Variants in CSMD3 observed in about 807,000 individuals in gnomAD.
CSMD3 encodes the protein CUB and Sushi multiple domains 3, also known as CUB and sushi domain-containing protein 3.
In CSMD3, 177 loss-of-function variants were observed where a neutral mutation model predicts 435.2. The observed-to-expected ratio is 0.41, with a 90% CI of 0.36 to 0.46. The LOEUF is 0.46. CSMD3 is among the 20% of genes least tolerant of loss of function. The probability of loss-of-function intolerance (pLI) is 0.34; values close to 1 mark genes in which losing one functional copy is unlikely to be tolerated. For missense variants in CSMD3, 4,265 were observed against 4,504.6 expected (o/e 0.95, Z 1.52); for synonymous variants, 1,656 against 1,520.5 (o/e 1.09, Z -2.07).
At chr8:112,978,256 C>T (rs79285143) in intron 6 of CSMD3, among the ~76,000 whole-genome samples, 1,574 of 152,040 alleles carry the variant, frequency 0.01, 21 homozygotes, top group African/African-American at 0.036. Flanking sequence ...CATGTCTGAG[C>T]ACGCCTACCT....
intron 3 of CSMD3, among the ~76,000 whole-genome samples, chr8:113,266,074 G>T (rs1027372401): frequency 2.7e-5 from 4 of 150,126 alleles, no homozygotes; most frequent in African/African-American, 4.9e-5. Flanking sequence ...CAACTGTTTT[G>T]CCAGAAGCAT....
chr8:112,680,668 A>C (rs1047923183), intron 16 of CSMD3, among the ~76,000 whole-genome samples: 2 of 152,156 alleles, frequency 1.3e-5, no homozygotes, highest in East Asian at 3.9e-4. Context: ...ACCTGATATT[A>C]CTAATGAGAA....
At chr8:112,585,676 T>A (rs1313179819) in intron 23 of CSMD3, among the ~76,000 whole-genome samples, 1 of 151,702 alleles carries the variant, frequency 6.6e-6, no homozygotes, top group East Asian at 1.9e-4. Flanking sequence ...AGAACAATAA[T>A]AGGCATGAGT....
chr8:113,028,062 T>C lies in CSMD3; in HGVS notation c.918-8883A>G, dbSNP rs531923190. On this transcript the variant is annotated intron_variant, in intron 5 of 70. Transcript: ENST00000297405. ...TTGCTGTTGTTTTACAAACTGAAGG[T>C]TTGTGACAATGCTGCATTGGGCAAG... 2.0e-5 allele frequency among the ~76,000 whole-genome samples: 3 copies of C among 152,252 alleles called. No homozygotes were observed. The South Asian group carries it at 6.2e-4, about 31-fold the overall frequency.
chr8:113,412,848 T>G (rs2094565465), intron 1 of CSMD3, among the ~76,000 whole-genome samples: 1 of 152,036 alleles, frequency 6.6e-6, no homozygotes, highest in South Asian at 2.1e-4. Flanking sequence ...ATTAAATATC[T>G]TATAAAGCCA....
chr8:113,012,099 C>T (rs1390660780), intron 6 of CSMD3, among the ~76,000 whole-genome samples: 1 of 151,752 alleles, frequency 6.6e-6, no homozygotes, highest in African/African-American at 2.4e-5. Context: ...AGATTATTCT[C>T]AAATACTACA....
At chr8:112,704,908 T>A (rs1393035397) in intron 13 of CSMD3, among the ~76,000 whole-genome samples, 1 of 152,096 alleles carries the variant, frequency 6.6e-6, no homozygotes, top group Non-Finnish European at 1.5e-5. Context: ...ATAAATTTAT[T>A]TCATGTCCAA....
chr8:113,035,680 G>A lies in CSMD3; in HGVS notation c.918-16501C>T, dbSNP rs182764134. ...TCTAAGAAAAAAATAATTTTAAGAT[G>A]TTTTTGGCTTGCCAGTCAATAACAT... is the stretch of plus-strand genomic sequence containing the variant. On this transcript the variant is annotated intron_variant, in intron 5 of 70. Coordinates refer to ENST00000297405, the MANE Select transcript of CSMD3 (RefSeq NM_198123.2). 2.6e-5 allele frequency among the ~76,000 whole-genome samples: 4 copies of A among 151,932 alleles called. No homozygotes were observed. The East Asian group carries it at 7.7e-4, about 29-fold the overall frequency.
chr8:113,119,682 C>A (rs974584704), intron 4 of CSMD3, among the ~76,000 whole-genome samples: 5 of 152,040 alleles, frequency 3.3e-5, no homozygotes, highest in Admixed American at 2.0e-4. Flanking sequence ...AAATTTCTAT[C>A]TAAATTTATC....
In CSMD3 at chr8:113,072,799, A is replaced by C. The variant is rs147130290; in HGVS notation, c.917+25957T>G. ...GATGAGCAAATTTCAAAGGCTTTTC[A>C]GTAAATCAAATTTAAATCATTCTGT... is the stretch of plus-strand genomic sequence containing the variant. On this transcript the variant is annotated intron_variant, in intron 5 of 70. Transcript: ENST00000297405. Among the ~76,000 whole-genome samples the C allele has an allele frequency of 6.2e-3, 898 of 144,080 alleles. 4 individuals carry two copies. The highest frequency in any genetic ancestry group is 0.021 in the African/African-American group (798 of 37,922). The allele number at this position is 144,080 out of a possible 152,430, so 94.5% of individuals were successfully genotyped here.
intron 1 of CSMD3, among the ~76,000 whole-genome samples, chr8:113,431,150 C>T (rs1476276112): frequency 6.6e-6 from 1 of 152,188 alleles, no homozygotes; most frequent in African/African-American, 2.4e-5. Flanking sequence ...GTGAATCACC[C>T]ACCTGCTCAC....
chr8:113,423,445 G>A (rs1391465383), intron 1 of CSMD3, among the ~76,000 whole-genome samples: 1 of 151,958 alleles, frequency 6.6e-6, no homozygotes. Context: ...TTATGATATT[G>A]CTGTTATATG....
At chr8:112,611,986 T>C (rs980264630) in intron 22 of CSMD3, among the ~76,000 whole-genome samples, 1 of 152,128 alleles carries the variant, frequency 6.6e-6, no homozygotes, top group Non-Finnish European at 1.5e-5. Context: ...ATAGATTAAA[T>C]GATAAATTGC....
intron 1 of CSMD3, among the ~76,000 whole-genome samples, chr8:113,397,286 G>T (rs2094488066): frequency 6.6e-6 from 1 of 151,896 alleles, no homozygotes; most frequent in Admixed American, 6.6e-5. Context: ...CTTTTCATGT[G>T]TTATGTAAAC....
intron 5 of CSMD3, among the ~76,000 whole-genome samples, chr8:113,035,164 T>A (rs1462894089): frequency 1.3e-5 from 2 of 151,884 alleles, no homozygotes; most frequent in Non-Finnish European, 2.9e-5. Context: ...GAGAAAAAAA[T>A]TCTAAATCCT....
chr8:112,467,045 C>G (rs1315121709), intron 32 of CSMD3, among the ~76,000 whole-genome samples: 1 of 152,156 alleles, frequency 6.6e-6, no homozygotes, highest in Non-Finnish European at 1.5e-5. Flanking sequence ...AAGTTCAAGG[C>G]AGTGGCAGCT....
intron 15 of CSMD3, among the ~76,000 whole-genome samples, chr8:112,684,330 C>T (rs2075966928): frequency 1.3e-5 from 2 of 152,026 alleles, no homozygotes; most frequent in Admixed American, 1.3e-4. Context: ...TTTACAGCGA[C>T]ACTATTCACC....
intron 6 of CSMD3, among the ~76,000 whole-genome samples, chr8:112,995,014 G>A (rs1021345344): frequency 6.6e-5 from 10 of 151,388 alleles, no homozygotes; most frequent in African/African-American, 1.9e-4. Flanking sequence ...ACTTTACAGA[G>A]TGTACTCATT....
At chr8:113,175,524 T>C (rs573250294) in intron 3 of CSMD3, among the ~76,000 whole-genome samples, 1 of 151,954 alleles carries the variant, frequency 6.6e-6, no homozygotes, top group Non-Finnish European at 1.5e-5. Context: ...TTGTTATTTC[T>C]CCAAGACATT....
Sources: gnomAD v4.1 joint callset for allele counts (sites outside exome capture counted in the v4.1 genomes callset) on GRCh38, gnomAD v4.1.1 for gene constraint, MANE v1.5 for transcripts, NCBI Gene and HGNC (gene_info 2026-07-23, HGNC 2026-07-21) for gene names.